Variants in SUPT20H observed in about 807,000 individuals in gnomAD.
SUPT20H encodes the protein SPT20 homolog, SAGA complex component.
Under a neutral mutation model 122.8 loss-of-function variants are expected in SUPT20H, and 82 were observed. The observed-to-expected ratio is 0.67, with a 90% CI of 0.56 to 0.80. SUPT20H has a LOEUF of 0.80. Among genes scored for constraint, SUPT20H ranks in the 30% least tolerant of loss-of-function variants. The pLI is 0.00. For synonymous variants in SUPT20H, 291 were observed against 313.0 expected, an observed-to-expected ratio of 0.93 and a Z score of 0.74; for missense variants, 831 against 921.6, an observed-to-expected ratio of 0.90 and a Z score of 1.27.
In SUPT20H at chr13:37,028,199, A is replaced by G; in HGVS notation, c.1100T>C (p.Ile367Thr). 1 of 1,613,298 alleles carries G rather than the reference A, an allele frequency of 6.2e-7. No individual in the cohort carries two copies. The highest frequency in any genetic ancestry group is 1.7e-4 in the Middle Eastern group (1 of 6,054). The change falls in exon 14 of 26, where the codon ATA (isoleucine) becomes ACA (threonine). Residue 367 changes from isoleucine to threonine, a missense_variant. Ile to Thr is a moderately conservative substitution (Grantham distance 89, BLOSUM62 -1). Transcript: ENST00000350612. ...SLGDPLYYGK[I>T]QPCKADEESD... ...TTCTTCATCTGCTTTACATGGCTGT[A>G]TTTTACCATAGTAAAGTGGATCTCC...
chr13:37,049,026 T>C (rs1401086151), intron 2 of SUPT20H, among the ~76,000 whole-genome samples: 1 of 152,168 alleles, frequency 6.6e-6, no homozygotes, highest in Non-Finnish European at 1.5e-5. Flanking sequence ...GCACTTAACA[T>C]TAACTTAGAA....
intron 25 of SUPT20H, among the ~76,000 whole-genome samples, chr13:37,010,183 A>G (rs1432416494): frequency 1.3e-5 from 2 of 152,220 alleles, no homozygotes; most frequent in African/African-American, 2.4e-5. Flanking sequence ...AAATTATGGT[A>G]TAACATTTTT....
chr13:37,051,436 A>T (rs2067664253), intron 2 of SUPT20H, 52 bp downstream of exon 2: 12 of 1,551,306 alleles, frequency 7.7e-6, no homozygotes, highest in African/African-American at 1.4e-5. Flanking sequence ...ATGAAGATGA[A>T]GGAAGAGAAC....
chr13:37,012,145 T>G, intron 24 of SUPT20H, 47 bp downstream of exon 24: 1 of 1,421,786 alleles, frequency 7.0e-7, no homozygotes, highest in South Asian at 1.2e-5. Flanking sequence ...CCAAATAGAT[T>G]AGATATGTTT....
In SUPT20H at chr13:37,021,571, G is replaced by C. The variant is rs1444106073; in HGVS notation, c.1693C>G (p.Pro565Ala). 3.1e-6 allele frequency: 5 copies of C among 1,613,184 alleles called. No homozygotes were observed. Among genetic ancestry groups the C allele is most frequent in the African/African-American group, 1.3e-5 (1 of 74,836 alleles). ...GAQALMSGSN[P>A]MLGCNTGAIT... ...GCACCAGTGTTACAGCCCAGCATGG[G>C]GTTTGAACCACTCATCAAAGCCTGG... is the stretch of plus-strand genomic sequence containing the variant. Residue 565 changes from proline to alanine, a missense_variant, in exon 21 of 26, where the codon CCC becomes GCC. Physicochemically the swap from Pro to Ala is conservative, Grantham distance 27. Coordinates refer to ENST00000350612, the MANE Select transcript of SUPT20H (RefSeq NM_001014286.3).
At chr13:37,032,386 C>T (rs145526911) in intron 10 of SUPT20H, among the ~76,000 whole-genome samples, 3 of 152,230 alleles carry the variant, frequency 2.0e-5, no homozygotes, top group Non-Finnish European at 4.4e-5. Flanking sequence ...GCCACCTCAT[C>T]CTAACAGGTA....
chr13:37,025,980 A>G lies in SUPT20H; in HGVS notation c.1211+224T>C, dbSNP rs529422667. The G allele has an allele frequency of 5.5e-5, 21 of 384,294 alleles. No individual in the cohort carries two copies. The East Asian group carries it at 7.9e-4, about 15-fold the overall frequency. 23.8% of individuals were successfully genotyped at this position (384,294 alleles called of 1,614,324 possible). On this transcript the variant is annotated intron_variant, in intron 16 of 25. Transcript: ENST00000350612. ...TTTGGTGTATCACAAGCTTACAGAT[A>G]TTTTTCTAGAATCAGTAAGATTTTA...
intron 22 of SUPT20H, 141 bp from the exon 23 acceptor site, chr13:37,017,505 T>C (rs1183339591): frequency 3.3e-6 from 3 of 901,794 alleles, no homozygotes; most frequent in Admixed American, 6.5e-5. Context: ...AAAAAACAAG[T>C]TGGCTGCCCT....
chr13:37,032,424 G>T (rs1004963198), intron 10 of SUPT20H, among the ~76,000 whole-genome samples: 2 of 152,070 alleles, frequency 1.3e-5, no homozygotes, highest in Non-Finnish European at 2.9e-5. Context: ...AAAAATCAAC[G>T]ATTCTTCTTA....
intron 2 of SUPT20H, among the ~76,000 whole-genome samples, 186 bp downstream of exon 2, chr13:37,051,302 A>G (rs555446480): frequency 1.6e-4 from 25 of 152,328 alleles, no homozygotes; most frequent in African/African-American, 6.0e-4. Context: ...TCACTGTAAC[A>G]CTGATTAGTG....
At chr13:37,026,754 T>C in intron 15 of SUPT20H, 36 bp downstream of exon 15, 1 of 1,231,192 alleles carries the variant, frequency 8.1e-7, no homozygotes, top group East Asian at 2.8e-5. Flanking sequence ...TTTATGTAAT[T>C]TCTTAACAGA....
intron 1 of SUPT20H, chr13:37,056,995 C>A (rs200213845): frequency 1.3e-5 from 2 of 152,244 alleles, no homozygotes; most frequent in East Asian, 1.9e-4. Flanking sequence ...AAGGATGGTG[C>A]GTAACATTTG....
intron 1 of SUPT20H, among the ~76,000 whole-genome samples, chr13:37,052,399 A>G (rs983031428): frequency 6.6e-6 from 1 of 152,268 alleles, no homozygotes; most frequent in East Asian, 1.9e-4. Flanking sequence ...TCTTTGACAA[A>G]CCTGACAAAA....
At chr13:37,025,077 G>T in intron 17 of SUPT20H, 1 of 390,004 alleles carries the variant, frequency 2.6e-6, no homozygotes. Flanking sequence ...GAGTGGCTGG[G>T]ATTACAGGTG....
chr13:37,023,047 G>A, intron 19 of SUPT20H: 1 of 1,281,592 alleles, frequency 7.8e-7, no homozygotes, highest in Admixed American at 2.3e-5. Flanking sequence ...TTCATGTCCT[G>A]CAGAAAGAAA....
intron 10 of SUPT20H, 57 bp from the exon 11 acceptor site, chr13:37,031,952 T>A: frequency 6.7e-7 from 1 of 1,488,110 alleles, no homozygotes; most frequent in Non-Finnish European, 9.0e-7. Context: ...TCATAATATA[T>A]GTGAGTTGAA....
At chr13:37,028,527 T>C (rs972782111) in intron 13 of SUPT20H, among the ~76,000 whole-genome samples, 7 of 152,162 alleles carry the variant, frequency 4.6e-5, no homozygotes, top group African/African-American at 7.2e-5. Flanking sequence ...TAGTAAAGCA[T>C]TAACATATAC....
chr13:37,033,185 G>T (rs186847233), intron 10 of SUPT20H, among the ~76,000 whole-genome samples: 54 of 151,004 alleles, frequency 3.6e-4, no homozygotes, highest in African/African-American at 1.3e-3. Context: ...AGACCATTAA[G>T]AATCCTATTT....
chr13:37,039,698 T>C (rs765160490), intron 9 of SUPT20H: 1 of 152,088 alleles, frequency 6.6e-6, no homozygotes, highest in South Asian at 2.1e-4. Flanking sequence ...GACTTCTTTT[T>C]GTTTCCTAAT....
Sources: gnomAD v4.1 joint callset for allele counts (sites outside exome capture counted in the v4.1 genomes callset) on GRCh38, gnomAD v4.1.1 for gene constraint, MANE v1.5 for transcripts, NCBI Gene and HGNC (gene_info 2026-07-23, HGNC 2026-07-21) for gene names.